Variants in F8 observed in about 807,000 individuals in gnomAD.
F8 encodes the protein antihemophilic factor.
In F8, 12 loss-of-function variants were observed where a neutral mutation model predicts 140.6. That is an observed-to-expected ratio of 0.09 (90% CI 0.05 to 0.14). F8 has a LOEUF of 0.14. F8 is among the 10% of genes least tolerant of loss of function. The probability of loss-of-function intolerance (pLI) is 1.00; values close to 1 mark genes in which losing one functional copy is unlikely to be tolerated. For missense variants in F8, 1,354 were observed against 1,720.7 expected, an observed-to-expected ratio of 0.79 and a Z score of 3.77; for synonymous variants, 585 against 614.6, an observed-to-expected ratio of 0.95 and a Z score of 0.71.
intron 14 of F8, among the ~76,000 whole-genome samples, chrX:154,911,273 A>ATGTGG (rs2073066213): frequency 9.3e-6 from 1 of 107,024 alleles, no homozygotes; most frequent in Admixed American, 9.8e-5. Flanking sequence ...AAACACCCAC[A>ATGTGG]GTGTTTCTCG....
At chrX:154,943,866 G>A (rs977788141) in intron 13 of F8, among the ~76,000 whole-genome samples, 31 of 111,105 alleles carry the variant, frequency 2.8e-4, no homozygotes, top group South Asian at 1.5e-3. Context: ...ATAACGCCAC[G>A]CATCTACAAC....
At chrX:154,881,519 A>G (rs1191220711) in intron 22 of F8, among the ~76,000 whole-genome samples, 1 of 111,391 alleles carries the variant, frequency 9.0e-6, no homozygotes, top group African/African-American at 3.3e-5. Context: ...TATCCCACAA[A>G]TGTAAGGTTG....
At chrX:155,011,395 C>G in intron 1 of F8, among the ~76,000 whole-genome samples, 1 of 112,188 alleles carries the variant, frequency 8.9e-6, no homozygotes, top group East Asian at 2.8e-4. Context: ...ATTAAAAAGA[C>G]AGACAGTAAC....
chrX:154,850,796 C>T (rs1250716517), intron 25 of F8, among the ~76,000 whole-genome samples: 1 of 111,927 alleles, frequency 8.9e-6, no homozygotes, highest in African/African-American at 3.2e-5. Flanking sequence ...ATTGTGAAGA[C>T]ATCATTCATT....
At chrX:154,975,007 C>T (rs1557282858) in intron 6 of F8, among the ~76,000 whole-genome samples, 5 of 110,714 alleles carry the variant, frequency 4.5e-5, no homozygotes, top group African/African-American at 1.6e-4. Flanking sequence ...AGTTTATTGA[C>T]TTTTTTTTAT....
At chrX:154,857,380 G>C (rs782143482) in intron 25 of F8, among the ~76,000 whole-genome samples, 1 of 111,955 alleles carries the variant, frequency 8.9e-6, no homozygotes, top group Admixed American at 9.5e-5. Context: ...TAGCCCAAAT[G>C]TCCATGGTGC....
chrX:154,930,393 C>T lies in F8; in HGVS notation c.3397G>A (p.Gly1133Arg), dbSNP rs782356578. The T allele has an allele frequency of 2.5e-6, 3 of 1,210,982 alleles. No homozygotes were observed. Among genetic ancestry groups the T allele is most frequent in the Non-Finnish European group, 3.4e-6 (3 of 894,899 alleles). The part of the protein sequence containing the change: ...ESARWIQRTH[G>R]KNSLNSGQGP... ...TGCCCAGAGTTCAGAGAGTTCTTTC[C>T]ATGAGTCCTTTGTATCCACCTTGCT... The change falls in exon 14 of 26, where the codon GGA becomes AGA. Residue 1133 changes from glycine (G) to arginine (R), a missense_variant. By Grantham distance (125) the Gly-to-Arg change is moderately radical. Transcript: ENST00000360256.
chrX:154,870,476 G>T (rs1372902636), intron 22 of F8, among the ~76,000 whole-genome samples: 1 of 111,171 alleles, frequency 9.0e-6, no homozygotes, highest in Non-Finnish European at 1.9e-5. Context: ...TGCAGAAAAG[G>T]CCTTCGATAA....
intron 22 of F8, among the ~76,000 whole-genome samples, chrX:154,895,655 G>C (rs1557275559): frequency 8.9e-6 from 1 of 111,896 alleles, no homozygotes; most frequent in African/African-American, 3.3e-5. Context: ...CTCACCTCTA[G>C]AGAATTCATC....
rs868980566 is a variant in F8 at position 154,942,436 on chromosome X, C to T, written c.2113+5262G>A. ...ATCTAGAAGAAATGGATAAATTCCT[C>T]GACACATACACCCTCCCAAGACTAA... is the stretch of plus-strand genomic sequence containing the variant. On this transcript the variant is annotated intron_variant, in intron 13 of 25. Transcript: ENST00000360256. Among the ~76,000 whole-genome samples, 84 of 108,786 alleles carry T rather than the reference C, an allele frequency of 7.7e-4. No homozygotes were observed. The East Asian group carries it at 0.018, about 23-fold the overall frequency. 94.5% of individuals were successfully genotyped at this position (108,786 alleles called of 115,157 possible). A position where few individuals can be genotyped will look rare whatever the true frequency, so the allele number is the denominator to read the frequency against.
chrX:154,894,067 G>C (rs1557275438), intron 22 of F8, among the ~76,000 whole-genome samples: 1 of 111,195 alleles, frequency 9.0e-6, no homozygotes, highest in African/African-American at 3.3e-5. Context: ...TTGTCAACCA[G>C]AAAATGTTTA....
chrX:154,866,754 T>C (rs1215097432), intron 22 of F8, among the ~76,000 whole-genome samples: 4 of 104,403 alleles, frequency 3.8e-5, no homozygotes, highest in African/African-American at 1.4e-4. Context: ...AAGAAACATA[T>C]GAAATAAACA....
intron 25 of F8, 71 bp downstream of exon 25, chrX:154,860,361 T>C (rs2072680234): frequency 8.9e-7 from 1 of 1,128,217 alleles, no homozygotes; most frequent in Non-Finnish European, 1.2e-6. Context: ...AACCTTTTTA[T>C]GTTATGTTAA....
At chrX:154,901,342 G>A (rs1557275906) in intron 20 of F8, 29 bp downstream of exon 20, 5 of 983,805 alleles carry the variant, frequency 5.1e-6, no homozygotes, top group South Asian at 1.9e-5. Flanking sequence ...ATCAGCCCAG[G>A]TTCTTGGAGC....
At chrX:154,948,049 A>C in intron 12 of F8, 142 bp from the exon 13 acceptor site, 1 of 535,595 alleles carries the variant, frequency 1.9e-6, no homozygotes, top group Non-Finnish European at 3.2e-6. Flanking sequence ...TCTTCCAAAA[A>C]AGTAGATTGT....
intron 6 of F8, among the ~76,000 whole-genome samples, chrX:154,972,703 C>CTTT (rs1557282690): frequency 9.0e-4 from 58 of 64,685 alleles, no homozygotes; most frequent in African/African-American, 3.7e-3. Context: ...TTCTTTCTGT[C>CTTT]TTTCTTTTTT....
chrX:154,837,891 C>T (rs1215169213), intron 25 of F8, 139 bp from the exon 26 acceptor site: 40 of 598,791 alleles, frequency 6.7e-5, no homozygotes, highest in Middle Eastern at 3.7e-4. Flanking sequence ...CTCTGTCCTA[C>T]GCATCTGGGA....
chrX:154,912,708 C>T (rs1045895239), intron 14 of F8, among the ~76,000 whole-genome samples: 3 of 111,891 alleles, frequency 2.7e-5, no homozygotes, highest in African/African-American at 9.8e-5. Flanking sequence ...TGTTTTCCTG[C>T]TGGTATAAAG....
Position 154,999,504 on chromosome X carries a change from G to A in F8, c.240C>T (p.Ile80=), listed in dbSNP as rs184026153. 1.7e-6 allele frequency: 2 copies of A among 1,206,012 alleles called. No individual in the cohort carries two copies. Among genetic ancestry groups the A allele is most frequent in the Non-Finnish European group, 2.2e-6 (2 of 892,492 alleles). Residue 80 remains isoleucine, a synonymous_variant, in exon 2 of 26, where the codon ATC becomes ATT. Transcript: ENST00000360256. ...CCATCCAGGGTGGCCTTGGCTTAGC[G>A]ATGTTGAAAAGGTGATCCGTGAATT... The part of the protein sequence containing the change: ...FVEFTDHLFN[I]AKPRPPWMGL...
Sources: allele counts gnomAD v4.1 joint callset (sites outside exome capture counted in the v4.1 genomes callset), GRCh38; gene constraint gnomAD v4.1.1; transcripts MANE v1.5; gene names NCBI Gene and HGNC (gene_info 2026-07-23, HGNC 2026-07-21).